GABRB1: variants seen among roughly 807,000 people sequenced by gnomAD.
The protein encoded by GABRB1 is gamma-aminobutyric acid type A receptor subunit beta1, also known as gamma-aminobutyric acid receptor subunit beta-1.
A neutral mutation model predicts 51.6 loss-of-function variants in GABRB1; 17 were observed. The observed-to-expected ratio is 0.33, with a 90% CI of 0.23 to 0.49. The LOEUF is 0.49. Among genes scored for constraint, GABRB1 ranks in the 20% least tolerant of loss-of-function variants. The pLI is 0.99. For missense variants in GABRB1, 410 were observed against 600.6 expected (o/e 0.68, Z 3.32); for synonymous variants, 247 against 218.9 (o/e 1.13, Z -1.14).
At chr4:47,088,812 C>T (rs969733583) in intron 3 of GABRB1, among the ~76,000 whole-genome samples, 6 of 152,122 alleles carry the variant, frequency 3.9e-5, no homozygotes, top group African/African-American at 1.4e-4. Context: ...ACCAGTCAGC[C>T]GTAGTTTATT....
intron 3 of GABRB1, among the ~76,000 whole-genome samples, chr4:47,100,243 AT>A (rs562636209): frequency 4.5e-4 from 68 of 152,100 alleles, no homozygotes; most frequent in African/African-American, 1.6e-3. Context: ...CTCACATGGG[AT>A]TATGTTGATT....
intron 4 of GABRB1, among the ~76,000 whole-genome samples, chr4:47,256,441 G>A (rs758570126): frequency 2.8e-4 from 42 of 152,146 alleles, no homozygotes; most frequent in Non-Finnish European, 4.7e-4. Flanking sequence ...TTGCTATTTT[G>A]CATTTAATCC....
At chr4:47,296,638 A>T (rs1335853967) in intron 4 of GABRB1, among the ~76,000 whole-genome samples, 4 of 152,254 alleles carry the variant, frequency 2.6e-5, no homozygotes, top group Non-Finnish European at 5.9e-5. Flanking sequence ...AAAGAGACTT[A>T]GACTCCCACA....
Position 47,013,028 on chromosome 4 carries a change from T to C in GABRB1, c.-19-18886T>C, listed in dbSNP as rs571500197. Among the ~76,000 whole-genome samples, 171 of 152,270 alleles carry C rather than the reference T, an allele frequency of 1.1e-3. 1 individual carries two copies. Among genetic ancestry groups the C allele is most frequent in the African/African-American group, 4.0e-3 (166 of 41,538 alleles). ...TATGAGTACACCACAATTTATTCAT[T>C]CTCCTGTTGATGGGCATATACCTTG... On this transcript the variant is annotated intron_variant, in intron 1 of 3. Coordinates refer to the GABRB1 transcript ENST00000513567.
At chr4:47,083,671 T>C (rs377471262) in intron 3 of GABRB1, among the ~76,000 whole-genome samples, 2 of 152,130 alleles carry the variant, frequency 1.3e-5, no homozygotes, top group African/African-American at 2.4e-5. Context: ...CAAGACTCTT[T>C]ATCTCCTCCC....
intron 4 of GABRB1, among the ~76,000 whole-genome samples, chr4:47,229,886 G>T (rs1444747379): frequency 6.6e-6 from 1 of 152,096 alleles, no homozygotes; most frequent in African/African-American, 2.4e-5. Flanking sequence ...GGGACTGCAT[G>T]CTTTTCAAAA....
At chr4:47,165,323 C>T (rs954624461) in intron 4 of GABRB1, among the ~76,000 whole-genome samples, 2 of 152,004 alleles carry the variant, frequency 1.3e-5, no homozygotes, top group Admixed American at 1.3e-4. Flanking sequence ...CTCTCCAGCC[C>T]TTCCTCTCTG....
chr4:47,345,232 T>C (rs987082175), intron 5 of GABRB1, among the ~76,000 whole-genome samples: 1 of 152,196 alleles, frequency 6.6e-6, no homozygotes, highest in African/African-American at 2.4e-5. Flanking sequence ...CAAGTACTTA[T>C]AGGCTGGGTG....
intron 4 of GABRB1, among the ~76,000 whole-genome samples, chr4:47,280,685 T>C (rs1023700196): frequency 6.6e-6 from 1 of 151,930 alleles, no homozygotes; most frequent in Non-Finnish European, 1.5e-5. Context: ...CCTTGCCCTG[T>C]CACTGAGGCT....
intron 3 of GABRB1, among the ~76,000 whole-genome samples, chr4:47,075,970 G>A (rs1317933818): frequency 1.3e-5 from 2 of 152,070 alleles, no homozygotes; most frequent in African/African-American, 4.8e-5. Context: ...CAGCTGGTGG[G>A]GCCTATAATT....
At position 47,109,797 on chromosome 4, in the gene GABRB1, G is replaced by A. The variant is rs893869184; in HGVS notation, c.241-51452G>A. On this transcript the variant is annotated intron_variant, in intron 3 of 8. Transcript: ENST00000295454. ...GCAAGATTTGAAATTTCCTGGAGTA[G>A]TTCTTTTCTGATCTTTTGAGAAGTC... Among the ~76,000 whole-genome samples the A allele has an allele frequency of 1.2e-4, 19 of 152,102 alleles. 1 individual carries two copies. Among genetic ancestry groups the A allele is most frequent in the Admixed American group, 1.2e-3 (18 of 15,268 alleles).
intron 3 of GABRB1, among the ~76,000 whole-genome samples, chr4:47,059,540 G>T (rs2109524679): frequency 6.6e-6 from 1 of 152,152 alleles, no homozygotes; most frequent in Non-Finnish European, 1.5e-5. Context: ...GGTGTCTGAG[G>T]ATTAATGAAT....
intron 3 of GABRB1, among the ~76,000 whole-genome samples, chr4:47,110,596 C>G (rs1715174926): frequency 6.6e-6 from 1 of 152,124 alleles, no homozygotes; most frequent in South Asian, 2.1e-4. Flanking sequence ...CAAAAGGCAT[C>G]TAAGGGAATC....
intron 8 of GABRB1, among the ~76,000 whole-genome samples, chr4:47,411,709 G>A (rs1409975675): frequency 6.6e-6 from 1 of 152,142 alleles, no homozygotes; most frequent in Non-Finnish European, 1.5e-5. Flanking sequence ...GTAATCAGTT[G>A]GAGAACCTGG....
intron 5 of GABRB1, among the ~76,000 whole-genome samples, chr4:47,352,154 T>C (rs1458947943): frequency 6.6e-6 from 1 of 152,230 alleles, no homozygotes; most frequent in East Asian, 1.9e-4. Context: ...ATTTCTCTGA[T>C]GGCCAGTGAT....
intron 5 of GABRB1, among the ~76,000 whole-genome samples, chr4:47,362,528 T>C (rs533460513): frequency 5.4e-4 from 82 of 152,308 alleles, no homozygotes; most frequent in Non-Finnish European, 1.1e-3. Context: ...GAGTAGTTTG[T>C]AATCCATCAT....
chr4:47,012,611 A>C (rs965044503), intron 1 of GABRB1, among the ~76,000 whole-genome samples: 1 of 152,240 alleles, frequency 6.6e-6, no homozygotes, highest in Non-Finnish European at 1.5e-5. Flanking sequence ...ACAATACAAA[A>C]TAATGAAAAG....
intron 5 of GABRB1, among the ~76,000 whole-genome samples, chr4:47,326,488 C>T (rs995833681): frequency 6.6e-6 from 1 of 151,950 alleles, no homozygotes; most frequent in Non-Finnish European, 1.5e-5. Context: ...CATACTGTGC[C>T]TAATTTACAA....
At chr4:47,099,817 G>A (rs1489849618) in intron 3 of GABRB1, among the ~76,000 whole-genome samples, 6 of 119,860 alleles carry the variant, frequency 5.0e-5, no homozygotes, top group African/African-American at 2.0e-4. Context: ...CTGCTTTAAT[G>A]AGCATTAAAA....
Sources: gnomAD v4.1 joint callset for allele counts (sites outside exome capture counted in the v4.1 genomes callset) on GRCh38, gnomAD v4.1.1 for gene constraint, MANE v1.5 for transcripts, NCBI Gene and HGNC (gene_info 2026-07-23, HGNC 2026-07-21) for gene names.